The following MRTFB variants were observed in gnomAD, a reference collection of about 807,000 sequenced individuals.
MRTFB encodes myocardin-related transcription factor B.
MRTFB carries 29 observed loss-of-function variants against 104.2 expected under a neutral mutation model. That is an observed-to-expected ratio of 0.28 (90% confidence interval 0.21 to 0.38). MRTFB has a LOEUF of 0.38. Among genes scored for constraint, MRTFB ranks in the 10% least tolerant of loss-of-function variants. The pLI is 1.00. For missense variants in MRTFB, 1,270 were observed against 1,341.6 expected (o/e 0.95, Z 0.83); for synonymous variants, 535 against 519.5 (o/e 1.03, Z -0.41).
intron 3 of MRTFB, among the ~76,000 whole-genome samples, chr16:14,187,966 C>T (rs1166143699): frequency 1.3e-5 from 2 of 152,132 alleles, no homozygotes; most frequent in African/African-American, 2.4e-5. Flanking sequence ...CGCTCTTGCC[C>T]GTCTTATAGA....
intron 16 of MRTFB, among the ~76,000 whole-genome samples, chr16:14,258,524 G>A (rs889196029): frequency 6.6e-6 from 1 of 152,204 alleles, no homozygotes; most frequent in Non-Finnish European, 1.5e-5. Context: ...GAGCCCAGGA[G>A]GTCAAGGCTG....
intron 3 of MRTFB, among the ~76,000 whole-genome samples, chr16:14,209,548 T>A (rs1029015772): frequency 1.9e-4 from 29 of 152,134 alleles, no homozygotes; most frequent in Non-Finnish European, 4.0e-4. Flanking sequence ...TAGAAAAAAA[T>A]TAATTTTTTA....
At chr16:14,126,645 G>T (rs1353799697) in intron 2 of MRTFB, among the ~76,000 whole-genome samples, 1 of 152,276 alleles carries the variant, frequency 6.6e-6, no homozygotes. Context: ...TAGCTCTGCT[G>T]TGCGCCTCAC....
intron 3 of MRTFB, among the ~76,000 whole-genome samples, chr16:14,169,288 T>C (rs2039347384): frequency 6.6e-6 from 1 of 152,232 alleles, no homozygotes; most frequent in East Asian, 1.9e-4. Context: ...TAGGAACAAA[T>C]TATCCATGCT....
the MRTFB span, among the ~76,000 whole-genome samples, chr16:14,060,957 T>C: frequency 7.7e-4 from 117 of 152,160 alleles, 1 homozygote; most frequent in African/African-American, 2.3e-3. Context: ...CCATCCTGGC[T>C]AACACAGTGA....
intron 15 of MRTFB, among the ~76,000 whole-genome samples, chr16:14,255,329 C>T (rs1306561867): frequency 1.3e-5 from 2 of 152,212 alleles, no homozygotes; most frequent in African/African-American, 4.8e-5. Context: ...TAAATCACAT[C>T]ACAGTCAAAT....
chr16:14,102,871 T>C (rs1181891835), intron 2 of MRTFB, among the ~76,000 whole-genome samples: 1 of 152,228 alleles, frequency 6.6e-6, no homozygotes, highest in Non-Finnish European at 1.5e-5. Context: ...CAGTTTTCTC[T>C]ATCTGGGGGC....
At chr16:14,114,896 G>A (rs201276693) in intron 2 of MRTFB, among the ~76,000 whole-genome samples, 4 of 152,204 alleles carry the variant, frequency 2.6e-5, no homozygotes, top group South Asian at 2.1e-4. Flanking sequence ...CTTGTTAATC[G>A]CTGTATTTTT....
At chr16:14,061,826 G>C in the MRTFB span, among the ~76,000 whole-genome samples, 2 of 152,100 alleles carry the variant, frequency 1.3e-5, no homozygotes, top group East Asian at 3.9e-4. Context: ...TGGTAAGGTG[G>C]GGAGGGAATA....
chr16:14,161,175 T>C (rs2039023823), intron 3 of MRTFB, among the ~76,000 whole-genome samples: 1 of 141,930 alleles, frequency 7.0e-6, no homozygotes, highest in African/African-American at 2.7e-5. Context: ...TAAAAAATCA[T>C]GAGTTGAGGC....
At chr16:14,245,083 C>G (rs1315725967) in intron 10 of MRTFB, among the ~76,000 whole-genome samples, 3 of 152,216 alleles carry the variant, frequency 2.0e-5, no homozygotes, top group Non-Finnish European at 4.4e-5. Flanking sequence ...GTCCCGCCCT[C>G]TCTCCACTAC....
At chr16:14,234,039 T>G (rs2042387784) in intron 8 of MRTFB, 107 bp from the exon 9 acceptor site, 1 of 1,394,898 alleles carries the variant, frequency 7.2e-7, no homozygotes, top group Non-Finnish European at 9.8e-7. Flanking sequence ...TTCCTTTGCT[T>G]CTTTTCTAGT....
chr16:14,176,403 G>A (rs1358810873), intron 3 of MRTFB, among the ~76,000 whole-genome samples: 1 of 152,200 alleles, frequency 6.6e-6, no homozygotes, highest in Non-Finnish European at 1.5e-5. Context: ...GATGTTGAGA[G>A]AAAGTATAAA....
chr16:14,154,717 A>C (rs753781898), intron 3 of MRTFB, among the ~76,000 whole-genome samples: 51 of 152,176 alleles, frequency 3.4e-4, no homozygotes, highest in Non-Finnish European at 1.6e-4. Flanking sequence ...GTTTCATCTG[A>C]AGGTTCAACT....
intron 3 of MRTFB, among the ~76,000 whole-genome samples, chr16:14,161,676 T>C (rs1200076859): frequency 4.6e-5 from 7 of 152,166 alleles, no homozygotes; most frequent in African/African-American, 1.7e-4. Flanking sequence ...GAGGTAAATC[T>C]CAATATATAT....
At chr16:14,097,145 T>G (rs969141451) in intron 2 of MRTFB, among the ~76,000 whole-genome samples, 2 of 152,192 alleles carry the variant, frequency 1.3e-5, no homozygotes, top group Non-Finnish European at 2.9e-5. Context: ...AGATGCAGAG[T>G]GGCCTTGCAG....
At chr16:14,061,862 G>C in the MRTFB span, among the ~76,000 whole-genome samples, 2 of 152,124 alleles carry the variant, frequency 1.3e-5, no homozygotes, top group Admixed American at 6.5e-5. Context: ...CAGAATTTAA[G>C]GTGGTTCCTG....
intron 3 of MRTFB, among the ~76,000 whole-genome samples, chr16:14,192,943 C>T (rs1357356858): frequency 1.3e-5 from 2 of 152,130 alleles, no homozygotes; most frequent in East Asian, 3.8e-4. Context: ...CAAGTCCTGC[C>T]GCCAAAGCTG....
chr16:14,243,198 C>T (rs2042852689), intron 10 of MRTFB, among the ~76,000 whole-genome samples: 1 of 152,114 alleles, frequency 6.6e-6, no homozygotes, highest in Admixed American at 6.5e-5. Context: ...AAAATATTTG[C>T]CACTTCATCC....
Sources: allele counts gnomAD v4.1 joint callset (sites outside exome capture counted in the v4.1 genomes callset), GRCh38; gene constraint gnomAD v4.1.1; transcripts MANE v1.5; gene names NCBI Gene and HGNC (gene_info 2026-07-23, HGNC 2026-07-21).